Variants in PALD1 observed in about 807,000 individuals in gnomAD.
PALD1 encodes the protein paladin.
In PALD1, 57 loss-of-function variants were observed where a neutral mutation model predicts 96.0. The ratio of observed to expected loss-of-function variants is 0.59; its 90% CI spans 0.48 to 0.74. The LOEUF is 0.74. Among genes scored for constraint, PALD1 ranks in the 30% least tolerant of loss-of-function variants. PALD1 has a pLI of 0.00. For missense variants in PALD1, 1,063 were observed against 1,143.7 expected (o/e 0.93, Z 1.02); for synonymous variants, 464 against 473.6 (o/e 0.98, Z 0.26).
chr10:70,484,520 C>T (rs7072662), intron 1 of PALD1, among the ~76,000 whole-genome samples: 2,249 of 151,654 alleles, frequency 0.015, 68 homozygotes, highest in African/African-American at 0.052. Context: ...TGTAACTGCC[C>T]ATTCTTTTAT....
chr10:70,468,022 G>A, the PALD1 span, among the ~76,000 whole-genome samples: 7 of 152,264 alleles, frequency 4.6e-5, no homozygotes, highest in East Asian at 1.3e-3. Context: ...CAAGGCAGGG[G>A]TTATTTATCC....
intron 1 of PALD1, among the ~76,000 whole-genome samples, chr10:70,484,494 A>G (rs1845984311): frequency 6.6e-6 from 1 of 152,122 alleles, no homozygotes; most frequent in Non-Finnish European, 1.5e-5. Flanking sequence ...ACAGGAAAAT[A>G]CTTTTGAAGT....
intron 18 of PALD1, among the ~76,000 whole-genome samples, chr10:70,560,720 C>T (rs924182184): frequency 2.6e-5 from 4 of 151,906 alleles, no homozygotes; most frequent in African/African-American, 7.3e-5. Flanking sequence ...TGGGCTGCCT[C>T]GATGCCAGCC....
intron 1 of PALD1, among the ~76,000 whole-genome samples, chr10:70,514,300 G>A (rs1202777707): frequency 6.6e-6 from 1 of 152,188 alleles, no homozygotes; most frequent in East Asian, 1.9e-4. Flanking sequence ...CCCCGCAGTG[G>A]CAGCCCCGCC....
At chr10:70,531,177 G>C in intron 4 of PALD1, 113 bp from the exon 5 acceptor site, 1 of 819,858 alleles carries the variant, frequency 1.2e-6, no homozygotes, top group South Asian at 1.7e-5. Context: ...CAGGGATGGT[G>C]TGGGGTGCAG....
intron 7 of PALD1, 63 bp downstream of exon 7, chr10:70,533,133 A>G (rs1414764053): frequency 2.2e-6 from 3 of 1,368,672 alleles, no homozygotes; most frequent in Non-Finnish European, 3.1e-6. Flanking sequence ...GGAGGTGCTC[A>G]GGGTGGGCAC....
chr10:70,482,146 G>A (rs1164247067), intron 1 of PALD1, among the ~76,000 whole-genome samples: 1 of 152,182 alleles, frequency 6.6e-6, no homozygotes, highest in African/African-American at 2.4e-5. Flanking sequence ...GAGGTCTGGA[G>A]CAGGCTGGGT....
chr10:70,465,865 A>T, the PALD1 span, among the ~76,000 whole-genome samples: 3 of 152,104 alleles, frequency 2.0e-5, no homozygotes, highest in Non-Finnish European at 4.4e-5. Flanking sequence ...GGTCCCACAG[A>T]CATTTACCCC....
At position 70,520,685 on chromosome 10, in the gene PALD1, C is replaced by CT. The variant is rs10545684; in HGVS notation, c.-29-5215dup. 9.0e-3 allele frequency among the ~76,000 whole-genome samples: 789 copies of CT among 87,652 alleles called. 9 individuals are homozygous for CT. Among genetic ancestry groups the CT allele is most frequent in the South Asian group, 0.018 (34 of 1,874 alleles). The allele number at this position is 87,652 out of a possible 152,430, so 57.5% of individuals were successfully genotyped here. A position where few individuals can be genotyped will look rare whatever the true frequency, so the allele number is the denominator to read the frequency against. ...TCAGTTTCTTTTCTTTTCTTTCTTT[C>CT]TTTTTTTTTTTTTTTTTTTTTTTGC... On this transcript the variant is annotated intron_variant, in intron 1 of 19. Coordinates refer to ENST00000263563, the MANE Select transcript of PALD1 (RefSeq NM_014431.3).
intron 1 of PALD1, among the ~76,000 whole-genome samples, chr10:70,513,249 C>T (rs191238874): frequency 2.0e-5 from 3 of 152,288 alleles, no homozygotes; most frequent in Admixed American, 1.3e-4. Flanking sequence ...AATCTCACCA[C>T]TTTGGGAGGC....
chr10:70,481,505 G>T (rs1204970423), intron 1 of PALD1, among the ~76,000 whole-genome samples: 1 of 152,220 alleles, frequency 6.6e-6, no homozygotes, highest in African/African-American at 2.4e-5. Context: ...CTGTGTTTGT[G>T]CCTTAAGTGC....
intron 18 of PALD1, among the ~76,000 whole-genome samples, chr10:70,562,690 G>C (rs1316685216): frequency 6.6e-6 from 1 of 152,174 alleles, no homozygotes; most frequent in African/African-American, 2.4e-5. Flanking sequence ...TGGGGGATGG[G>C]GTGAGAAGGG....
chr10:70,521,356 A>G (rs1317155436), intron 1 of PALD1, among the ~76,000 whole-genome samples: 1 of 152,146 alleles, frequency 6.6e-6, no homozygotes, highest in African/African-American at 2.4e-5. Context: ...TCATCTGAAA[A>G]TGGACACAAT....
intron 1 of PALD1, among the ~76,000 whole-genome samples, chr10:70,500,808 G>A (rs765639956): frequency 2.5e-4 from 38 of 152,184 alleles, no homozygotes; most frequent in Non-Finnish European, 3.8e-4. Flanking sequence ...GGCTGGAGCC[G>A]GTGCAATATG....
chr10:70,487,111 G>C (rs1303960081), intron 1 of PALD1, among the ~76,000 whole-genome samples: 2 of 149,442 alleles, frequency 1.3e-5, no homozygotes, highest in Non-Finnish European at 3.0e-5. Flanking sequence ...GCTGGCATTT[G>C]ACTGTCCCTC....
chr10:70,530,731 G>T (rs1846974903), intron 4 of PALD1, among the ~76,000 whole-genome samples: 2 of 152,154 alleles, frequency 1.3e-5, no homozygotes, highest in African/African-American at 4.8e-5. Context: ...AGACAGAATG[G>T]GGTGGGGGTG....
At chr10:70,480,113 G>T (rs542529522) in intron 1 of PALD1, among the ~76,000 whole-genome samples, 1 of 152,222 alleles carries the variant, frequency 6.6e-6, no homozygotes, top group Non-Finnish European at 1.5e-5. Context: ...CTCCATGCCC[G>T]CCCTTCCTTA....
upstream of PALD1, among the ~76,000 whole-genome samples, chr10:70,476,864 G>A (rs1238485506): frequency 6.7e-6 from 1 of 149,354 alleles, no homozygotes; most frequent in Non-Finnish European, 1.5e-5. Context: ...CTGCTGGGCA[G>A]GGAGGGTGAG....
At chr10:70,555,959 C>A (rs542657565) in intron 18 of PALD1, among the ~76,000 whole-genome samples, 1 of 152,252 alleles carries the variant, frequency 6.6e-6, no homozygotes, top group African/African-American at 2.4e-5. Context: ...TGAGATCGCA[C>A]CACTGCACTC....
Sources: gnomAD v4.1 joint callset for allele counts (sites outside exome capture counted in the v4.1 genomes callset) on GRCh38, gnomAD v4.1.1 for gene constraint, MANE v1.5 for transcripts, NCBI Gene and HGNC (gene_info 2026-07-23, HGNC 2026-07-21) for gene names.